TMEM117: variants seen among roughly 807,000 people sequenced by gnomAD.
The protein encoded by TMEM117 is transmembrane protein 117.
Under a neutral mutation model 52.4 loss-of-function variants are expected in TMEM117, and 27 were observed. That is an observed-to-expected ratio of 0.51 (90% CI 0.38 to 0.71). TMEM117 has a LOEUF of 0.71. TMEM117 is among the 30% of genes least tolerant of loss of function. TMEM117 has a pLI of 0.00. For synonymous variants in TMEM117, 215 were observed against 206.3 expected, an observed-to-expected ratio of 1.04 and a Z score of -0.36; for missense variants, 556 against 630.5, an observed-to-expected ratio of 0.88 and a Z score of 1.26.
At chr12:43,842,892 GA>G (rs752236037) in intron 1 of TMEM117, among the ~76,000 whole-genome samples, 2 of 152,160 alleles carry the variant, frequency 1.3e-5, no homozygotes, top group Non-Finnish European at 2.9e-5. Flanking sequence ...TCTAGGCAAG[GA>G]AGGTGCAAGG....
At chr12:44,311,860 T>C (rs1166606708) in intron 6 of TMEM117, among the ~76,000 whole-genome samples, 2 of 117,674 alleles carry the variant, frequency 1.7e-5, no homozygotes, top group Admixed American at 1.7e-4. Flanking sequence ...TATATATGTA[T>C]ATATATGTAT....
intron 2 of TMEM117, among the ~76,000 whole-genome samples, chr12:43,925,642 T>G (rs1368683003): frequency 1.3e-5 from 2 of 152,258 alleles, no homozygotes; most frequent in Admixed American, 6.5e-5. Flanking sequence ...AAAATGAAGG[T>G]GAATTACGTG....
chr12:44,072,212 CA>C (rs765029835), intron 3 of TMEM117, among the ~76,000 whole-genome samples: 1 of 147,744 alleles, frequency 6.8e-6, no homozygotes, highest in Non-Finnish European at 1.5e-5. Flanking sequence ...AATAGAGAAA[CA>C]ACAAAAAAAA....
intron 4 of TMEM117, among the ~76,000 whole-genome samples, chr12:44,159,468 T>C (rs904963171): frequency 1.3e-5 from 2 of 152,122 alleles, no homozygotes; most frequent in African/African-American, 2.4e-5. Flanking sequence ...GAATGGTTAA[T>C]CAAGCTGAAA....
chr12:43,986,106 A>G (rs1228999053), intron 3 of TMEM117, among the ~76,000 whole-genome samples: 1 of 152,168 alleles, frequency 6.6e-6, no homozygotes, highest in African/African-American at 2.4e-5. Context: ...AAAATTACTG[A>G]TTAAAGTGAA....
intron 5 of TMEM117, among the ~76,000 whole-genome samples, chr12:44,217,362 A>T (rs1412678524): frequency 6.6e-6 from 1 of 152,176 alleles, no homozygotes; most frequent in Non-Finnish European, 1.5e-5. Context: ...GTCCCCATTG[A>T]TGAGCAGTCT....
In TMEM117 at chr12:44,370,410, G is replaced by A. The variant is rs1951846592; in HGVS notation, c.769-6185G>A. Among the ~76,000 whole-genome samples, 2 of 151,178 alleles carry A rather than the reference G, an allele frequency of 1.3e-5. 1 individual carries two copies. The highest frequency in any genetic ancestry group is 4.2e-4 in the South Asian group (2 of 4,814). The stretch of plus-strand genomic sequence containing the variant: ...TTAATAATAATTAATGTAAGATGAT[G>A]TATAACGTTTATTTACAAAAACAAG... On this transcript the variant is annotated intron_variant, in intron 6 of 7. Coordinates refer to ENST00000266534, the MANE Select transcript of TMEM117 (RefSeq NM_032256.3).
chr12:43,865,222 G>C (rs1943569082), intron 2 of TMEM117, among the ~76,000 whole-genome samples: 1 of 152,160 alleles, frequency 6.6e-6, no homozygotes, highest in South Asian at 2.1e-4. Flanking sequence ...AGAGATTTTA[G>C]TGCTGTCTAC....
In TMEM117 at chr12:44,193,710, G is replaced by C. The variant is rs552510735; in HGVS notation, c.511-17580G>C. Reference sequence around the variant, plus strand: ...ATCCCCTGAGAATTCATAATATTCTGTTCCTCAAGTGAGTTGATGGCCCAA... The same window carrying C: ...ATCCCCTGAGAATTCATAATATTCTCTTCCTCAAGTGAGTTGATGGCCCAA... On this transcript the variant is annotated intron_variant, in intron 4 of 7. Coordinates refer to ENST00000266534, the MANE Select transcript of TMEM117 (RefSeq NM_032256.3). Among the ~76,000 whole-genome samples, 17 of 152,310 alleles carry C rather than the reference G, an allele frequency of 1.1e-4. No individual in the cohort carries two copies. The South Asian group carries it at 3.1e-3, about 28-fold the overall frequency.
intron 3 of TMEM117, among the ~76,000 whole-genome samples, chr12:44,104,714 C>T (rs1947922955): frequency 6.6e-6 from 1 of 151,890 alleles, no homozygotes; most frequent in South Asian, 2.1e-4. Context: ...TGTCTTTATT[C>T]TCATTCACTT....
chr12:43,876,433 G>A (rs1365893986), intron 2 of TMEM117, among the ~76,000 whole-genome samples: 1 of 152,156 alleles, frequency 6.6e-6, no homozygotes, highest in Non-Finnish European at 1.5e-5. Context: ...TCGTTTTCTA[G>A]GAAACTCAGC....
intron 3 of TMEM117, among the ~76,000 whole-genome samples, chr12:44,132,992 A>G (rs979324376): frequency 6.6e-6 from 1 of 152,212 alleles, no homozygotes; most frequent in African/African-American, 2.4e-5. Context: ...CAAGTACAAG[A>G]ACAAGTAAAA....
intron 5 of TMEM117, among the ~76,000 whole-genome samples, chr12:44,241,229 C>CT (rs886233736): frequency 1.3e-4 from 19 of 150,334 alleles, no homozygotes; most frequent in African/African-American, 4.4e-4. Flanking sequence ...TTTTTTTATG[C>CT]TTTTTTTCCA....
chr12:44,033,734 A>C (rs918346120), intron 3 of TMEM117, among the ~76,000 whole-genome samples: 2 of 152,210 alleles, frequency 1.3e-5, no homozygotes, highest in Non-Finnish European at 2.9e-5. Context: ...GCACATTTTG[A>C]CATCATCTTC....
At chr12:44,138,682 C>T (rs1457529347) in intron 3 of TMEM117, among the ~76,000 whole-genome samples, 1 of 152,146 alleles carries the variant, frequency 6.6e-6, no homozygotes, top group Non-Finnish European at 1.5e-5. Context: ...TAACAATTGT[C>T]TGCAGCTTTT....
chr12:43,855,460 A>T (rs1001986801), intron 2 of TMEM117, among the ~76,000 whole-genome samples: 4 of 152,110 alleles, frequency 2.6e-5, no homozygotes, highest in African/African-American at 9.7e-5. Flanking sequence ...TTTTTTAAAA[A>T]TGCTGTAGTT....
At chr12:43,919,564 T>G (rs917789375) in intron 2 of TMEM117, among the ~76,000 whole-genome samples, 4 of 152,232 alleles carry the variant, frequency 2.6e-5, no homozygotes. Context: ...TATGGACATT[T>G]AGCTTGTTTA....
chr12:44,297,786 C>G (rs1206254996), intron 5 of TMEM117, among the ~76,000 whole-genome samples: 7 of 152,092 alleles, frequency 4.6e-5, no homozygotes, highest in African/African-American at 1.7e-4. Flanking sequence ...ATCAAAAACA[C>G]ATAGACTTAA....
chr12:44,236,054 G>A (rs1235326500), intron 5 of TMEM117, among the ~76,000 whole-genome samples: 1 of 151,438 alleles, frequency 6.6e-6, no homozygotes, highest in Non-Finnish European at 1.5e-5. Flanking sequence ...TTTTATAATG[G>A]CATGCCTAGA....
Sources: gnomAD v4.1 joint callset for allele counts (sites outside exome capture counted in the v4.1 genomes callset) on GRCh38, gnomAD v4.1.1 for gene constraint, MANE v1.5 for transcripts, NCBI Gene and HGNC (gene_info 2026-07-23, HGNC 2026-07-21) for gene names.